DEAF1: variants seen among roughly 807,000 people sequenced by gnomAD.
DEAF1 encodes DEAF1 transcription factor.
In DEAF1, 53 loss-of-function variants were observed where a neutral mutation model predicts 58.9. That is an observed-to-expected ratio of 0.90 (90% CI 0.72 to 1.13). The LOEUF is 1.13. Among genes scored for constraint, DEAF1 ranks in the 50% most tolerant of loss-of-function variants. DEAF1 has a pLI of 0.00. For missense variants in DEAF1, 685 were observed against 791.4 expected (o/e 0.87, Z 1.61); for synonymous variants, 385 against 340.4 (o/e 1.13, Z -1.44).
intron 11 of DEAF1, among the ~76,000 whole-genome samples, chr11:649,027 G>A (rs1009504018): frequency 6.6e-6 from 1 of 152,168 alleles, no homozygotes; most frequent in Non-Finnish European, 1.5e-5. Flanking sequence ...AAGGTGGGAG[G>A]GTTACTTGAG....
chr11:658,649 G>A (rs1859178606), intron 10 of DEAF1, among the ~76,000 whole-genome samples: 1 of 152,270 alleles, frequency 6.6e-6, no homozygotes, highest in African/African-American at 2.4e-5. Context: ...CCAAGCAGCT[G>A]GCATTGCCAT....
chr11:680,542 C>G (rs887975261), intron 7 of DEAF1, among the ~76,000 whole-genome samples: 4 of 152,148 alleles, frequency 2.6e-5, no homozygotes, highest in Non-Finnish European at 5.9e-5. Flanking sequence ...CCTGGGAGGC[C>G]GAGGCTGCAG....
At chr11:682,794 G>A (rs1860433844) in intron 6 of DEAF1, among the ~76,000 whole-genome samples, 2 of 152,180 alleles carry the variant, frequency 1.3e-5, no homozygotes, top group African/African-American at 4.8e-5. Flanking sequence ...TCTGAGTGGG[G>A]ATGACTGAAG....
At chr11:667,179 G>A (rs996868694) in intron 10 of DEAF1, among the ~76,000 whole-genome samples, 4 of 152,112 alleles carry the variant, frequency 2.6e-5, no homozygotes, top group Middle Eastern at 3.4e-3. Flanking sequence ...AAAATTGGCC[G>A]GGAGTAGTGG....
At chr11:667,672 G>A (rs778134866) in intron 10 of DEAF1, among the ~76,000 whole-genome samples, 31 of 152,190 alleles carry the variant, frequency 2.0e-4, no homozygotes, top group Non-Finnish European at 3.1e-4. Context: ...AGCTGGGCAT[G>A]GTGGTGTGTG....
At position 694,905 on chromosome 11, in the gene DEAF1, G is replaced by T. The variant is rs1409903025; in HGVS notation, c.143C>A (p.Ser48Ter). The part of the protein sequence containing the change: ...EEPVLSRDED[S>*]EEDADSEAER... ...CGCCTCCGAGTCTGCGTCCTCCTCC[G>T]AGTCCTCGTCCCTGCTCAGCACCGG... Residue 48 changes from serine to a stop codon, truncating the protein, a stop_gained, in exon 1 of 12, where the codon TCG (serine) becomes TAG (stop). Transcript: ENST00000382409. LOFTEE classifies it high-confidence loss of function. The T allele has an allele frequency of 6.7e-7, 1 of 1,490,744 alleles. No homozygotes were observed. The highest frequency in any genetic ancestry group is 8.9e-7 in the Non-Finnish European group (1 of 1,123,862). 92.3% of individuals were successfully genotyped at this position (1,490,744 alleles called of 1,614,324 possible).
At chr11:655,949 C>A (rs1466719333) in intron 10 of DEAF1, among the ~76,000 whole-genome samples, 1 of 151,340 alleles carries the variant, frequency 6.6e-6, no homozygotes, top group African/African-American at 2.4e-5. Flanking sequence ...TCTTGTGCCT[C>A]AGCCTCCCCA....
intron 2 of DEAF1, among the ~76,000 whole-genome samples, chr11:690,351 GAGGGC>G (rs1422682995): frequency 3.2e-5 from 2 of 63,084 alleles, no homozygotes; most frequent in Non-Finnish European, 6.2e-5. Flanking sequence ...CAGGGGAGGG[GAGGGC>G]AGGGGAGGGG....
At chr11:667,233 C>T (rs1859580384) in intron 10 of DEAF1, among the ~76,000 whole-genome samples, 2 of 151,994 alleles carry the variant, frequency 1.3e-5, no homozygotes, top group African/African-American at 4.8e-5. Flanking sequence ...AAGGGAAGAT[C>T]ACCTGAGCCC....
At chr11:704,797 C>T (rs1054984307) in intron 1 of DEAF1, 4 of 511,450 alleles carry the variant, frequency 7.8e-6, no homozygotes, top group Middle Eastern at 4.2e-4. Context: ...CACTCAAAAT[C>T]GTGTTGACAG....
At chr11:661,493 G>A (rs1859318152) in intron 10 of DEAF1, among the ~76,000 whole-genome samples, 1 of 151,826 alleles carries the variant, frequency 6.6e-6, no homozygotes, top group Non-Finnish European at 1.5e-5. Context: ...GTGGATCACC[G>A]GAGGTCAGGG....
chr11:659,969 G>A (rs1469815301), intron 10 of DEAF1, among the ~76,000 whole-genome samples: 1 of 152,226 alleles, frequency 6.6e-6, no homozygotes, highest in Non-Finnish European at 1.5e-5. Flanking sequence ...GGGGCCAGGT[G>A]GGGCTTGGGC....
intron 1 of DEAF1, chr11:705,096 G>C (rs1861655314): frequency 4.8e-6 from 1 of 209,510 alleles, no homozygotes; most frequent in Non-Finnish European, 9.8e-6. Context: ...CTTCCTGCCA[G>C]CCCTCCACCG....
intron 10 of DEAF1, chr11:654,762 G>A (rs1354077659): frequency 1.3e-5 from 5 of 397,060 alleles, no homozygotes; most frequent in African/African-American, 6.3e-5. Context: ...CCAGCTACCT[G>A]GGAGGCTGAG....
In DEAF1 at chr11:691,718, G is replaced by A. The variant is rs571637208; in HGVS notation, c.290-120C>T. 8.3e-4 allele frequency: 676 copies of A among 811,140 alleles called. 3 individuals carry two copies. Among genetic ancestry groups the A allele is most frequent in the African/African-American group, 6.9e-3 (409 of 59,328 alleles). The allele number at this position is 811,140 out of a possible 1,614,324, so 50.2% of individuals were successfully genotyped here. Reference sequence around the variant, plus strand: ...CTCAGGTGTGTGCCCTTGTAACCAGGAAGATCTTAACACTTCCATGAACAC... The same window carrying A: ...CTCAGGTGTGTGCCCTTGTAACCAGAAAGATCTTAACACTTCCATGAACAC... On this transcript the variant is annotated intron_variant, in intron 1 of 11. Coordinates refer to ENST00000382409, the MANE Select transcript of DEAF1 (RefSeq NM_021008.4).
rs758839417 is a variant in DEAF1, at chr11:651,898, A to C, written c.1593+2064T>G. ...GAGACTCCGTCTCAAAAACAAAAACAAAAACCAGATAATTCAACAGTAATA... is the reference window on the plus strand; with the variant it reads ...GAGACTCCGTCTCAAAAACAAAAACCAAAACCAGATAATTCAACAGTAATA... On this transcript the variant is annotated intron_variant, in intron 11 of 11. Coordinates refer to ENST00000382409, the MANE Select transcript of DEAF1 (RefSeq NM_021008.4). 5.8e-4 allele frequency among the ~76,000 whole-genome samples: 88 copies of C among 152,236 alleles called. 1 individual carries two copies. Among genetic ancestry groups the C allele is most frequent in the Non-Finnish European group, 9.6e-4 (65 of 68,046 alleles).
chr11:668,975 G>A lies in DEAF1; in HGVS notation c.1503+5561C>T, dbSNP rs575567360. On this transcript the variant is annotated intron_variant, in intron 10 of 11. Transcript: ENST00000382409. ...TGAGCAGCTGGGACTATAGGTGCCT[G>A]CCACCATGCCTGGCTAATGTTTTGT... Among the ~76,000 whole-genome samples, 24 of 152,114 alleles carry A rather than the reference G, an allele frequency of 1.6e-4. No homozygotes were observed. In the South Asian group the frequency reaches 4.8e-3, roughly 30 times the overall value.
At chr11:651,849 A>G (rs566190809) in intron 11 of DEAF1, among the ~76,000 whole-genome samples, 55 of 152,306 alleles carry the variant, frequency 3.6e-4, no homozygotes, top group African/African-American at 9.4e-4. Context: ...TGGCGCCACT[A>G]CACTCCAGCC....
chr11:680,083 C>A (rs992273902), intron 7 of DEAF1: 8 of 523,228 alleles, frequency 1.5e-5, no homozygotes, highest in African/African-American at 3.8e-5. Flanking sequence ...TGCTGCCCAG[C>A]CAGAAAACAA....
Sources: gnomAD v4.1 joint callset for allele counts (sites outside exome capture counted in the v4.1 genomes callset) on GRCh38, gnomAD v4.1.1 for gene constraint, MANE v1.5 for transcripts, NCBI Gene and HGNC (gene_info 2026-07-23, HGNC 2026-07-21) for gene names.